The following MICAL2 variants were observed in gnomAD, a reference collection of about 807,000 sequenced individuals.
MICAL2 encodes the protein [F-actin]-monooxygenase MICAL2.
A neutral mutation model predicts 127.3 loss-of-function variants in MICAL2; 77 were observed. The observed-to-expected ratio is 0.60, with a 90% CI of 0.50 to 0.73. The LOEUF is 0.73. Among genes scored for constraint, MICAL2 ranks in the 30% least tolerant of loss-of-function variants. The pLI is 0.00. For missense variants in MICAL2, 1,351 were observed against 1,434.4 expected (o/e 0.94, Z 0.94); for synonymous variants, 570 against 551.1 (o/e 1.03, Z -0.48).
downstream of MICAL2, among the ~76,000 whole-genome samples, chr11:12,361,999 C>T (rs1460597810): frequency 6.6e-6 from 1 of 152,246 alleles, no homozygotes; most frequent in Non-Finnish European, 1.5e-5. Context: ...ATCTTCTAAC[C>T]TCACTGCTGA....
chr11:12,239,307 C>T, intron 16 of MICAL2, 129 bp from the exon 17 acceptor site: 1 of 1,300,254 alleles, frequency 7.7e-7, no homozygotes, highest in Admixed American at 1.9e-5. Flanking sequence ...CTGCCTCTGC[C>T]TCCCTTCCTC....
intron 30 of MICAL2, among the ~76,000 whole-genome samples, chr11:12,322,845 T>C (rs1864314403): frequency 6.6e-6 from 1 of 152,230 alleles, no homozygotes; most frequent in Non-Finnish European, 1.5e-5. Flanking sequence ...TAGTATTTAC[T>C]GAGTGTTCTT....
chr11:12,132,419 C>T (rs1414441192), intron 1 of MICAL2, among the ~76,000 whole-genome samples: 1 of 152,186 alleles, frequency 6.6e-6, no homozygotes, highest in Non-Finnish European at 1.5e-5. Context: ...AGGAGTGAAA[C>T]CAAATCATGC....
intron 3 of MICAL2, among the ~76,000 whole-genome samples, chr11:12,167,061 A>T (rs1855593402): frequency 6.6e-6 from 1 of 152,096 alleles, no homozygotes. Flanking sequence ...TCTCGTACTC[A>T]AACAGAGGAC....
intron 1 of MICAL2, among the ~76,000 whole-genome samples, chr11:12,121,238 G>A (rs575672286): frequency 3.3e-5 from 5 of 152,140 alleles, no homozygotes; most frequent in African/African-American, 7.2e-5. Flanking sequence ...CTCTTCACAC[G>A]GATCTTCTCC....
chr11:12,352,166 A>G (rs1939060641), intron 33 of MICAL2, among the ~76,000 whole-genome samples: 1 of 152,340 alleles, frequency 6.6e-6, no homozygotes, highest in Admixed American at 6.5e-5. Flanking sequence ...CTGACTACAA[A>G]GCCCTTTTTA....
chr11:12,178,753 G>A lies in MICAL2; in HGVS notation c.264+16334G>A, dbSNP rs865835835. Among the ~76,000 whole-genome samples, 22 of 147,824 alleles carry A rather than the reference G, an allele frequency of 1.5e-4. 1 individual carries two copies. Among genetic ancestry groups the A allele is most frequent in the Middle Eastern group, 3.5e-3 (1 of 282 alleles). The stretch of plus-strand genomic sequence containing the variant: ...TTTTTTTTTTTTGAGACAGTATCTC[G>A]CTCTGTTGCCCAGGCTGGAGTGCAG... On this transcript the variant is annotated intron_variant, in intron 3 of 27. Coordinates refer to ENST00000683283, the MANE Select transcript of MICAL2 (RefSeq NM_001282663.2).
chr11:12,260,037 C>T lies in MICAL2; in HGVS notation c.3334+140C>T, dbSNP rs778939318. 57 of 1,543,576 alleles carry T rather than the reference C, an allele frequency of 3.7e-5. 1 individual carries two copies. Among genetic ancestry groups the T allele is most frequent in the South Asian group, 3.0e-4 (25 of 84,094 alleles). On this transcript the variant is annotated intron_variant, in intron 26 of 27. Coordinates refer to ENST00000683283, the MANE Select transcript of MICAL2 (RefSeq NM_001282663.2). Reference sequence around the variant, plus strand: ...ATGCTTACAACTACTGCTACATGTACGAGCTCCTGAGCCTGGGGCTGCCAC... The same window carrying T: ...ATGCTTACAACTACTGCTACATGTATGAGCTCCTGAGCCTGGGGCTGCCAC...
intron 32 of MICAL2, among the ~76,000 whole-genome samples, chr11:12,344,472 C>CGATTATTATTATTAT (rs34112883): frequency 2.1e-5 from 3 of 141,476 alleles, no homozygotes; most frequent in Non-Finnish European, 3.0e-5. Flanking sequence ...ATTCTAGAAA[C>CGATTATTATTATTAT]TATTATTATT....
At chr11:12,264,052 G>A (rs936781076), downstream of MICAL2, among the ~76,000 whole-genome samples, 3 of 152,124 alleles carry the variant, frequency 2.0e-5, no homozygotes, top group African/African-American at 7.2e-5. Context: ...TGGGCATAGT[G>A]GGTGAGGGTC....
chr11:12,324,220 C>T (rs544606996), intron 31 of MICAL2: 100 of 941,360 alleles, frequency 1.1e-4, no homozygotes, highest in Middle Eastern at 6.7e-4. Flanking sequence ...GATTTGTGGC[C>T]GTTTTAAAGA....
chr11:12,155,974 A>G (rs1034189644), intron 2 of MICAL2, among the ~76,000 whole-genome samples: 1 of 152,116 alleles, frequency 6.6e-6, no homozygotes, highest in Non-Finnish European at 1.5e-5. Context: ...AGGAAGGGGG[A>G]ATGTATGAGG....
At chr11:12,131,880 T>G (rs559728807) in intron 1 of MICAL2, among the ~76,000 whole-genome samples, 1 of 152,350 alleles carries the variant, frequency 6.6e-6, no homozygotes, top group South Asian at 2.1e-4. Flanking sequence ...GAATAATCCA[T>G]GCAAAGCACT....
At chr11:12,158,672 A>G (rs1854455494) in intron 2 of MICAL2, among the ~76,000 whole-genome samples, 1 of 152,232 alleles carries the variant, frequency 6.6e-6, no homozygotes, top group African/African-American at 2.4e-5. Context: ...AGTTATATGC[A>G]AACATGGCAT....
At chr11:12,246,594 C>A (rs1444809759) in intron 21 of MICAL2, among the ~76,000 whole-genome samples, 1 of 152,198 alleles carries the variant, frequency 6.6e-6, no homozygotes. Flanking sequence ...ATTCCTTCAA[C>A]AAATTTAATT....
chr11:12,242,473 G>A (rs1375431477), intron 19 of MICAL2, 41 bp downstream of exon 19: 8 of 1,568,298 alleles, frequency 5.1e-6, no homozygotes, highest in African/African-American at 2.7e-5. Context: ...CCGTGTCTGG[G>A]TGACTTCCTT....
At chr11:12,352,395 TAAGAAAACTTAG>T (rs1834259335) in intron 33 of MICAL2, among the ~76,000 whole-genome samples, 1 of 152,222 alleles carries the variant, frequency 6.6e-6, no homozygotes, top group African/African-American at 2.4e-5. Context: ...ACAGTAGTGA[TAAGAAAACTTAG>T]AAGAGCTCCA....
At position 12,224,772 on chromosome 11, in the gene MICAL2, G is replaced by A; in HGVS notation, c.1640G>A (p.Ser547Asn). 1 of 1,614,240 alleles carries A rather than the reference G, an allele frequency of 6.2e-7. No homozygotes were observed. Among genetic ancestry groups the A allele is most frequent in the Non-Finnish European group, 8.5e-7 (1 of 1,180,040 alleles). ...ACCGACCTGACCACATCCTGGCGCA[G>A]TGGGTTGGCCCTGTGTGCCATCATC... ...NVTDLTTSWR[S>N]GLALCAIIHR... The change falls in exon 13 of 28, where the codon AGT becomes AAT. Residue 547 changes from serine (S) to asparagine (N), a missense_variant. Physicochemically the swap from Ser to Asn is conservative, Grantham distance 46. Transcript: ENST00000683283.
chr11:12,128,642 T>C (rs973407888), intron 1 of MICAL2, among the ~76,000 whole-genome samples: 1 of 152,200 alleles, frequency 6.6e-6, no homozygotes, highest in Non-Finnish European at 1.5e-5. Flanking sequence ...TGGGAGACAC[T>C]GTGGGTGAAA....
Sources: allele counts gnomAD v4.1 joint callset (sites outside exome capture counted in the v4.1 genomes callset), GRCh38; gene constraint gnomAD v4.1.1; transcripts MANE v1.5; gene names NCBI Gene and HGNC (gene_info 2026-07-23, HGNC 2026-07-21).